The following EPHA6 variants were observed in gnomAD, a reference collection of about 807,000 sequenced individuals.
The protein encoded by EPHA6 is ephrin type-A receptor 6.
A neutral mutation model predicts 112.0 loss-of-function variants in EPHA6; 50 were observed. The ratio of observed to expected loss-of-function variants is 0.45; its 90% CI spans 0.36 to 0.56. The LOEUF (loss-of-function observed/expected upper bound fraction) is 0.56, where lower values mean the gene tolerates loss of function less well. Ranked by LOEUF, EPHA6 falls within the 20% of genes least tolerant of loss-of-function variation. EPHA6 has a pLI of 0.00. For missense variants in EPHA6, 1,280 were observed against 1,417.4 expected (o/e 0.90, Z 1.56); for synonymous variants, 529 against 490.7 (o/e 1.08, Z -1.03).
chr3:97,746,433 A>G (rs2035718622), intron 16 of EPHA6, among the ~76,000 whole-genome samples: 1 of 151,756 alleles, frequency 6.6e-6, no homozygotes. Flanking sequence ...TTTAATGTGT[A>G]TTTTTATGTA....
intron 2 of EPHA6, among the ~76,000 whole-genome samples, chr3:96,971,650 T>G (rs780054526): frequency 2.6e-5 from 4 of 152,148 alleles, no homozygotes; most frequent in Non-Finnish European, 5.9e-5. Context: ...CAAGCTTTAC[T>G]TTGATACAGA....
At chr3:97,088,188 A>G (rs111698544) in intron 3 of EPHA6, among the ~76,000 whole-genome samples, 3 of 152,078 alleles carry the variant, frequency 2.0e-5, no homozygotes, top group Non-Finnish European at 2.9e-5. Flanking sequence ...TAAAAAATTA[A>G]TTAATTAATT....
At chr3:97,264,996 A>G (rs1040765290) in intron 5 of EPHA6, among the ~76,000 whole-genome samples, 1 of 152,180 alleles carries the variant, frequency 6.6e-6, no homozygotes, top group African/African-American at 2.4e-5. Context: ...CTCTCATTAG[A>G]GAGGGTAGCT....
intron 5 of EPHA6, among the ~76,000 whole-genome samples, chr3:97,252,767 A>G (rs1431886333): frequency 6.6e-6 from 1 of 152,200 alleles, no homozygotes; most frequent in Non-Finnish European, 1.5e-5. Context: ...TAAAAATATG[A>G]GTGCAAAGAT....
At chr3:96,919,254 T>C (rs1468871185) in intron 2 of EPHA6, among the ~76,000 whole-genome samples, 2 of 151,906 alleles carry the variant, frequency 1.3e-5, no homozygotes, top group African/African-American at 4.8e-5. Flanking sequence ...TATACTACAC[T>C]GAAAACCAAG....
intron 2 of EPHA6, among the ~76,000 whole-genome samples, chr3:96,953,931 G>A (rs1435844312): frequency 6.6e-6 from 1 of 151,720 alleles, no homozygotes; most frequent in African/African-American, 2.4e-5. Flanking sequence ...GGAGTGCAGT[G>A]GCGCAATCTC....
intron 10 of EPHA6, among the ~76,000 whole-genome samples, chr3:97,519,967 AT>A (rs570022502): frequency 0.024 from 3,226 of 133,690 alleles, 70 homozygotes; most frequent in African/African-American, 0.066. Context: ...TTTGGATGCA[AT>A]TTTTTTTTTT....
At position 96,929,261 on chromosome 3, in the gene EPHA6, T is replaced by G. The variant is rs2040195423; in HGVS notation, c.451-58069T>G. The stretch of plus-strand genomic sequence containing the variant: ...AAGATTAGTATTGTTATACATGGAT[T>G]CAATACTGCCATCATGATGCTAGCT... On this transcript the variant is annotated intron_variant, in intron 2 of 17. Transcript: ENST00000389672. Among the ~76,000 whole-genome samples the G allele has an allele frequency of 1.3e-5, 2 of 152,202 alleles. 1 individual carries two copies. Among genetic ancestry groups the G allele is most frequent in the Admixed American group, 1.3e-4 (2 of 15,284 alleles).
chr3:97,634,331 A>C (rs992174425), intron 13 of EPHA6, among the ~76,000 whole-genome samples: 10 of 151,990 alleles, frequency 6.6e-5, no homozygotes, highest in African/African-American at 2.2e-4. Context: ...GGAAGAAATT[A>C]TCAGATGCAT....
chr3:97,077,854 A>G lies in EPHA6; in HGVS notation c.1114+89861A>G, dbSNP rs2046585420. ...TTGTCAATAGTGTTGTAATAAATATATGTGTGCATGTGTCTTTATAGCAGC... is the reference window on the plus strand; with the variant it reads ...TTGTCAATAGTGTTGTAATAAATATGTGTGTGCATGTGTCTTTATAGCAGC... On this transcript the variant is annotated intron_variant, in intron 3 of 17. Coordinates refer to ENST00000389672, the MANE Select transcript of EPHA6 (RefSeq NM_001080448.3). Among the ~76,000 whole-genome samples the G allele has an allele frequency of 2.0e-5, 3 of 152,252 alleles. No homozygotes were observed. In the South Asian group the frequency reaches 6.2e-4, roughly 32 times the overall value.
intron 15 of EPHA6, among the ~76,000 whole-genome samples, chr3:97,727,828 T>C (rs555123471): frequency 6.6e-6 from 1 of 152,020 alleles, no homozygotes; most frequent in South Asian, 2.1e-4. Flanking sequence ...ATGATGTACA[T>C]CTGCTACAGA....
At chr3:97,593,957 T>C (rs1417974479) in intron 12 of EPHA6, among the ~76,000 whole-genome samples, 2 of 152,146 alleles carry the variant, frequency 1.3e-5, no homozygotes, top group East Asian at 1.9e-4. Context: ...ATGATACCAA[T>C]TGTACAGAAA....
In EPHA6 at chr3:97,648,307, C is replaced by T. The variant is rs137908224; in HGVS notation, c.2784+10225C>T. On this transcript the variant is annotated intron_variant, in intron 14 of 17. Coordinates refer to ENST00000389672, the MANE Select transcript of EPHA6 (RefSeq NM_001080448.3). ...ATAGGACCTCTTCCAAACTCTAACA[C>T]TTAACCTCTGCTATTCTGCATAAAT... The T allele has an allele frequency of 1.0e-4, 141 of 1,350,188 alleles. No individual in the cohort carries two copies. The East Asian group carries it at 2.4e-3, about 23-fold the overall frequency. 83.6% of individuals were successfully genotyped at this position (1,350,188 alleles called of 1,614,324 possible).
At chr3:97,216,671 G>A (rs939347338) in intron 3 of EPHA6, among the ~76,000 whole-genome samples, 2 of 152,230 alleles carry the variant, frequency 1.3e-5, no homozygotes, top group South Asian at 4.1e-4. Context: ...CTCTAAAGTG[G>A]TAGCACGAAC....
intron 2 of EPHA6, among the ~76,000 whole-genome samples, chr3:96,949,518 T>C (rs1332836085): frequency 6.6e-6 from 1 of 152,090 alleles, no homozygotes; most frequent in Admixed American, 6.6e-5. Context: ...AAAAAGTATA[T>C]ATATAACATT....
chr3:97,497,595 T>C (rs1453456019), intron 10 of EPHA6, among the ~76,000 whole-genome samples: 6 of 152,316 alleles, frequency 3.9e-5, no homozygotes, highest in Admixed American at 3.3e-4. Context: ...TGCTGTACCC[T>C]CAGCCCTTTA....
intron 1 of EPHA6, among the ~76,000 whole-genome samples, chr3:96,832,599 C>T (rs2034156829): frequency 6.6e-6 from 1 of 151,906 alleles, no homozygotes; most frequent in South Asian, 2.1e-4. Flanking sequence ...TGCCATTGGC[C>T]TGGTTAAAAG....
In EPHA6 at chr3:96,897,719, A is replaced by T. The variant is rs147197296; in HGVS notation, c.450+30830A>T. ...AAGGGAGAGGTGCTAACTAAAATTAAAGTGCAATTTAGTGACTTTATGTAA... is the reference window on the plus strand; with the variant it reads ...AAGGGAGAGGTGCTAACTAAAATTATAGTGCAATTTAGTGACTTTATGTAA... On this transcript the variant is annotated intron_variant, in intron 2 of 17. Coordinates refer to ENST00000389672, the MANE Select transcript of EPHA6 (RefSeq NM_001080448.3). Among the ~76,000 whole-genome samples, 28 of 152,320 alleles carry T rather than the reference A, an allele frequency of 1.8e-4. 2 individuals are homozygous for T. The highest frequency in any genetic ancestry group is 6.3e-4 in the African/African-American group (26 of 41,570).
At chr3:97,076,490 G>A (rs1429522195) in intron 3 of EPHA6, among the ~76,000 whole-genome samples, 1 of 152,162 alleles carries the variant, frequency 6.6e-6, no homozygotes, top group Non-Finnish European at 1.5e-5. Flanking sequence ...GTTTAAGGAT[G>A]AAAGTCATGT....
Sources: allele counts gnomAD v4.1 joint callset (sites outside exome capture counted in the v4.1 genomes callset), GRCh38; gene constraint gnomAD v4.1.1; transcripts MANE v1.5; gene names NCBI Gene and HGNC (gene_info 2026-07-23, HGNC 2026-07-21).